The following APBB2 variants were observed in gnomAD, a reference collection of about 807,000 sequenced individuals.
The protein encoded by APBB2 is amyloid beta precursor protein binding family B member 2.
Under a neutral mutation model 82.5 loss-of-function variants are expected in APBB2, and 38 were observed. The observed-to-expected ratio is 0.46, with a 90% CI of 0.36 to 0.60. The LOEUF (loss-of-function observed/expected upper bound fraction) is 0.60, where lower values mean the gene tolerates loss of function less well. APBB2 is among the 20% of genes least tolerant of loss of function. The pLI is 0.00. For missense variants in APBB2, 772 were observed against 972.3 expected (o/e 0.79, Z 2.74); for synonymous variants, 341 against 368.2 (o/e 0.93, Z 0.85).
chr4:41,094,918 G>C (rs897113009), intron 3 of APBB2, among the ~76,000 whole-genome samples: 1 of 152,132 alleles, frequency 6.6e-6, no homozygotes, highest in Admixed American at 6.5e-5. Context: ...TAAGCAAGGT[G>C]CTACGAAAGA....
At chr4:41,133,278 T>C (rs535115104) in intron 2 of APBB2, among the ~76,000 whole-genome samples, 2 of 152,336 alleles carry the variant, frequency 1.3e-5, no homozygotes, top group South Asian at 2.1e-4. Context: ...ATTTATGAAA[T>C]TGCTGGTGAT....
intron 3 of APBB2, among the ~76,000 whole-genome samples, chr4:41,074,266 ATCTGG>A (rs1244561437): frequency 6.6e-6 from 1 of 152,104 alleles, no homozygotes; most frequent in East Asian, 1.9e-4. Context: ...GCATTAAATA[ATCTGG>A]TCATTAAATC....
At chr4:41,139,813 T>C (rs1758585276) in intron 2 of APBB2, among the ~76,000 whole-genome samples, 1 of 152,196 alleles carries the variant, frequency 6.6e-6, no homozygotes, top group Non-Finnish European at 1.5e-5. Flanking sequence ...GAAACTATTT[T>C]GTATGATACT....
At chr4:40,901,909 ATGTGTGTGTGTG>A (rs35766512) in intron 10 of APBB2, among the ~76,000 whole-genome samples, 64 of 145,540 alleles carry the variant, frequency 4.4e-4, no homozygotes, top group Non-Finnish European at 7.1e-4. Flanking sequence ...ATCCAAAATT[ATGTGTGTGTGTG>A]TGTGTGTGTG....
chr4:41,175,180 T>C (rs1769411783), intron 1 of APBB2, among the ~76,000 whole-genome samples: 1 of 152,192 alleles, frequency 6.6e-6, no homozygotes, highest in African/African-American at 2.4e-5. Flanking sequence ...AATATTGATA[T>C]ACATAGAGTT....
At chr4:41,170,028 A>G (rs1048350032) in intron 1 of APBB2, among the ~76,000 whole-genome samples, 5 of 152,196 alleles carry the variant, frequency 3.3e-5, no homozygotes, top group Non-Finnish European at 7.3e-5. Context: ...GTTGGAGTGC[A>G]TAGACCATAG....
chr4:40,960,052 T>TA (rs1792659916), intron 6 of APBB2, among the ~76,000 whole-genome samples: 2 of 152,276 alleles, frequency 1.3e-5, no homozygotes, highest in South Asian at 4.1e-4. Flanking sequence ...TAAGTGCCCT[T>TA]AAAAAAATCA....
chr4:40,819,850 T>C (rs1337197356), intron 17 of APBB2, among the ~76,000 whole-genome samples: 1 of 152,152 alleles, frequency 6.6e-6, no homozygotes, highest in Non-Finnish European at 1.5e-5. Flanking sequence ...TCTCGCTCTG[T>C]CACCCAGGCT....
At chr4:41,027,714 T>TATGTGTACCAAGAGCCTACC (rs1465408353) in intron 5 of APBB2, among the ~76,000 whole-genome samples, 4 of 152,188 alleles carry the variant, frequency 2.6e-5, no homozygotes, top group African/African-American at 9.7e-5. Flanking sequence ...AAGAGCCTAC[T>TATGTGTACCAAGAGCCTACC]ATGTATACCA....
chr4:41,156,686 A>T (rs1487633904), intron 1 of APBB2, among the ~76,000 whole-genome samples: 1 of 152,176 alleles, frequency 6.6e-6, no homozygotes, highest in African/African-American at 2.4e-5. Flanking sequence ...GTCTGAGAGA[A>T]ATGGGTTCAA....
At chr4:40,901,769 C>A (rs1475264045) in intron 10 of APBB2, among the ~76,000 whole-genome samples, 1 of 152,218 alleles carries the variant, frequency 6.6e-6, no homozygotes, top group Non-Finnish European at 1.5e-5. Context: ...CCCAGCTCAG[C>A]CTCCCAAAGT....
chr4:41,120,356 A>T (rs1752437103), intron 2 of APBB2, among the ~76,000 whole-genome samples: 2 of 152,174 alleles, frequency 1.3e-5, no homozygotes. Context: ...GTGTTAACAA[A>T]GTGCCTTTGC....
intron 7 of APBB2, among the ~76,000 whole-genome samples, chr4:40,937,872 T>G (rs1424938356): frequency 6.6e-6 from 1 of 152,262 alleles, no homozygotes; most frequent in African/African-American, 2.4e-5. Context: ...ATTTGGCTAA[T>G]AAGTTTTGCT....
At chr4:40,818,790 C>T (rs1306738108) in intron 17 of APBB2, among the ~76,000 whole-genome samples, 3 of 152,148 alleles carry the variant, frequency 2.0e-5, no homozygotes, top group Non-Finnish European at 4.4e-5. Flanking sequence ...CAGGCCTCCC[C>T]TTCTCCCTCC....
Position 40,826,456 on chromosome 4 carries a change from C to T in APBB2, c.1733-486G>A, listed in dbSNP as rs150676791. On this transcript the variant is annotated intron_variant, in intron 14 of 17. Transcript: ENST00000508593. This position sits in a 1 kb window ranked among gnomAD's most constrained non-coding sequence, Gnocchi z 4.5. ...TGCGATCTTGGCTCGCTGCAACCTC[C>T]ATCTCCTGGGTTCTAGCAATTCTAC... is the stretch of plus-strand genomic sequence containing the variant. 1.0e-3 allele frequency among the ~76,000 whole-genome samples: 153 copies of T among 152,140 alleles called. No homozygotes were observed. The highest frequency in any genetic ancestry group is 1.8e-3 in the Non-Finnish European group (121 of 68,002).
chr4:40,908,077 G>A (rs531498070), intron 10 of APBB2, among the ~76,000 whole-genome samples: 28 of 151,812 alleles, frequency 1.8e-4, no homozygotes, highest in Non-Finnish European at 3.1e-4. Flanking sequence ...GCATATGTGT[G>A]TGTGTATGTG....
intron 10 of APBB2, among the ~76,000 whole-genome samples, chr4:40,895,325 C>T (rs1046929685): frequency 6.6e-6 from 1 of 152,206 alleles, no homozygotes; most frequent in African/African-American, 2.4e-5. Context: ...CACAAAGAAA[C>T]CAAAAAGAGA....
chr4:40,948,326 G>A (rs1229963515), intron 6 of APBB2, among the ~76,000 whole-genome samples: 1 of 152,186 alleles, frequency 6.6e-6, no homozygotes, highest in African/African-American at 2.4e-5. Context: ...GTTCATGCCT[G>A]TAATCCCAGC....
At chr4:40,856,906 T>C (rs1761388850) in intron 12 of APBB2, 18 of 972,458 alleles carry the variant, frequency 1.9e-5, no homozygotes, top group South Asian at 4.8e-5. Context: ...GCGCAGCCTT[T>C]GTCCCGCAGG....
Sources: allele counts gnomAD v4.1 joint callset (sites outside exome capture counted in the v4.1 genomes callset), GRCh38; gene constraint gnomAD v4.1.1; non-coding constraint Gnocchi (gnomAD v3.1); transcripts MANE v1.5; gene names NCBI Gene and HGNC (gene_info 2026-07-23, HGNC 2026-07-21).